Variants in CERT1 observed in about 807,000 individuals in gnomAD.
CERT1 encodes the protein ceramide transfer protein.
In CERT1, 31 loss-of-function variants were observed where a neutral mutation model predicts 87.9. The ratio of observed to expected loss-of-function variants is 0.35; its 90% CI spans 0.27 to 0.48. CERT1 has a LOEUF of 0.48. Ranked by LOEUF, CERT1 falls within the 20% of genes least tolerant of loss-of-function variation. CERT1 has a pLI of 0.99. For synonymous variants in CERT1, 289 were observed against 250.9 expected, an observed-to-expected ratio of 1.15 and a Z score of -1.44; for missense variants, 487 against 758.0, an observed-to-expected ratio of 0.64 and a Z score of 4.20.
intron 8 of CERT1, among the ~76,000 whole-genome samples, chr5:75,405,312 G>A (rs1762658596): frequency 6.6e-6 from 1 of 151,986 alleles, no homozygotes; most frequent in African/African-American, 2.4e-5. Context: ...CTCCTTTGTA[G>A]GTTTCCCCTT....
At chr5:75,503,569 T>C (rs1767483174) in intron 2 of CERT1, among the ~76,000 whole-genome samples, 1 of 151,986 alleles carries the variant, frequency 6.6e-6, no homozygotes. Flanking sequence ...AAAGTTCAAG[T>C]TCAATAATAT....
intron 11 of CERT1, among the ~76,000 whole-genome samples, chr5:75,395,555 CAAAAAAA>C (rs35109034): frequency 1.1e-3 from 52 of 48,004 alleles, no homozygotes; most frequent in African/African-American, 2.3e-3. Flanking sequence ...TGTCTCTTTA[CAAAAAAA>C]AAAAAAAAAA....
chr5:75,491,230 C>A lies in CERT1; in HGVS notation c.231+14752G>T, dbSNP rs531088573. Among the ~76,000 whole-genome samples, 27 of 152,192 alleles carry A rather than the reference C, an allele frequency of 1.8e-4. No individual in the cohort carries two copies. In the South Asian group the frequency reaches 5.0e-3, roughly 28 times the overall value. On this transcript the variant is annotated intron_variant, in intron 2 of 16. Transcript: ENST00000643780. ...GTCGTTTGCCAAAGTCTAGATACCT[C>A]AGTGGAGTTTTGCTTTAATAGTAGA... is the stretch of plus-strand genomic sequence containing the variant.
chr5:75,371,326 G>C (rs1761078805), intron 17 of CERT1: 1 of 152,100 alleles, frequency 6.6e-6, no homozygotes, highest in South Asian at 2.1e-4. Context: ...GTACAACTCG[G>C]ACTAAATACT....
intron 2 of CERT1, among the ~76,000 whole-genome samples, chr5:75,496,176 G>A (rs1031597955): frequency 6.6e-6 from 1 of 150,896 alleles, no homozygotes; most frequent in Non-Finnish European, 1.5e-5. Flanking sequence ...AACATCACAA[G>A]AGATACAGAT....
chr5:75,495,021 C>T (rs1766990295), intron 2 of CERT1, among the ~76,000 whole-genome samples: 1 of 152,166 alleles, frequency 6.6e-6, no homozygotes, highest in Non-Finnish European at 1.5e-5. Flanking sequence ...TCCTATCTCC[C>T]ACCCTTGAGA....
At position 75,410,973 on chromosome 5, in the gene CERT1, T is replaced by C. The variant is rs143590391; in HGVS notation, c.930+38A>G. 1.2e-3 allele frequency: 1,277 copies of C among 1,078,260 alleles called. 10 individuals are homozygous for C. The East Asian group carries it at 0.02, about 17-fold the overall frequency. The allele number at this position is 1,078,260 out of a possible 1,614,324, so 66.8% of individuals were successfully genotyped here. On this transcript the variant is annotated intron_variant, in intron 8 of 16. Transcript: ENST00000643780. ...AAAATCACTTTTGTGATAGACATGATCTATGTGTTTCTCTAAGATCAAAAT... is the reference window on the plus strand; with the variant it reads ...AAAATCACTTTTGTGATAGACATGACCTATGTGTTTCTCTAAGATCAAAAT...
chr5:75,446,271 T>C (rs895804720), intron 3 of CERT1, among the ~76,000 whole-genome samples: 4 of 152,240 alleles, frequency 2.6e-5, no homozygotes, highest in African/African-American at 9.6e-5. Flanking sequence ...TTTGTGCAAA[T>C]CTGCCTTTGA....
intron 3 of CERT1, among the ~76,000 whole-genome samples, chr5:75,431,008 T>C (rs1464119216): frequency 6.6e-6 from 1 of 152,192 alleles, no homozygotes; most frequent in East Asian, 1.9e-4. Flanking sequence ...GCCACTGTAC[T>C]CCAGTCTGGG....
At chr5:75,380,776 TC>T (rs1761541951) in intron 16 of CERT1, among the ~76,000 whole-genome samples, 3 of 46,778 alleles carry the variant, frequency 6.4e-5, no homozygotes, top group Non-Finnish European at 1.1e-4. Flanking sequence ...AGACTCCATC[TC>T]AAAAAAAAAA....
chr5:75,417,459 A>C (rs1414580833), intron 6 of CERT1, among the ~76,000 whole-genome samples: 1 of 152,206 alleles, frequency 6.6e-6, no homozygotes, highest in Non-Finnish European at 1.5e-5. Context: ...AAATAAACAT[A>C]CAAATTTAAA....
chr5:75,452,480 T>C (rs1764805462), intron 3 of CERT1, among the ~76,000 whole-genome samples: 1 of 152,198 alleles, frequency 6.6e-6, no homozygotes. Context: ...GTGCTAGTTT[T>C]AGGGATTTGA....
chr5:75,501,710 A>G (rs1395601775), intron 2 of CERT1, among the ~76,000 whole-genome samples: 1 of 152,210 alleles, frequency 6.6e-6, no homozygotes, highest in East Asian at 1.9e-4. Flanking sequence ...ACCGTAATAT[A>G]TGATGAAAGT....
intron 3 of CERT1, among the ~76,000 whole-genome samples, chr5:75,442,762 G>A (rs1441365563): frequency 6.6e-6 from 1 of 152,146 alleles, no homozygotes; most frequent in Non-Finnish European, 1.5e-5. Context: ...AGGAGAGAGG[G>A]AGGGGGAAAT....
At chr5:75,389,035 A>G (rs1761926311) in intron 12 of CERT1, among the ~76,000 whole-genome samples, 1 of 152,206 alleles carries the variant, frequency 6.6e-6, no homozygotes, top group Non-Finnish European at 1.5e-5. Context: ...GGAATGAGAA[A>G]ATCCAAAATT....
chr5:75,398,461 T>C (rs1472844051), intron 11 of CERT1, among the ~76,000 whole-genome samples: 1 of 152,184 alleles, frequency 6.6e-6, no homozygotes. Context: ...ACTGGGATCA[T>C]ACACCTAACC....
At chr5:75,423,386 A>G (rs961129387) in intron 5 of CERT1, among the ~76,000 whole-genome samples, 259 of 62,242 alleles carry the variant, frequency 4.2e-3, no homozygotes, top group African/African-American at 0.014. Context: ...TTAGAGGGGA[A>G]AAAAAAAAAA....
At chr5:75,419,713 G>A (rs1444768533) in intron 5 of CERT1, among the ~76,000 whole-genome samples, 1 of 151,962 alleles carries the variant, frequency 6.6e-6, no homozygotes, top group Non-Finnish European at 1.5e-5. Context: ...AAAGCTCCCC[G>A]AGATGATTAC....
chr5:75,481,803 T>C (rs1191118965), intron 2 of CERT1, among the ~76,000 whole-genome samples: 2 of 152,184 alleles, frequency 1.3e-5, no homozygotes, highest in East Asian at 3.8e-4. Context: ...TAATTTTTGC[T>C]CTCGAAGGCA....
Sources: gnomAD v4.1 joint callset for allele counts (sites outside exome capture counted in the v4.1 genomes callset) on GRCh38, gnomAD v4.1.1 for gene constraint, MANE v1.5 for transcripts, NCBI Gene and HGNC (gene_info 2026-07-23, HGNC 2026-07-21) for gene names.